The following ERC2 variants were observed in gnomAD, a reference collection of about 807,000 sequenced individuals.
The protein encoded by ERC2 is ELKS/RAB6-interacting/CAST family member 2.
ERC2 carries 42 observed loss-of-function variants against 114.8 expected under a neutral mutation model. The observed-to-expected ratio is 0.37, with a 90% confidence interval of 0.29 to 0.47. The LOEUF (loss-of-function observed/expected upper bound fraction) is 0.47. Among genes scored for constraint, ERC2 ranks in the 20% least tolerant of loss-of-function variants. ERC2 has a pLI of 0.99. For synonymous variants in ERC2, 454 were observed against 425.5 expected (o/e 1.07, Z -0.82); for missense variants, 939 against 1,150.7 (o/e 0.82, Z 2.66).
intron 17 of ERC2, among the ~76,000 whole-genome samples, chr3:55,650,168 C>T (rs1283366520): frequency 1.3e-5 from 2 of 152,208 alleles, no homozygotes; most frequent in African/African-American, 2.4e-5. Flanking sequence ...GAGAGAGCCC[C>T]ACATCCACCA....
At chr3:55,846,211 T>C (rs2061356074) in intron 14 of ERC2, among the ~76,000 whole-genome samples, 1 of 152,240 alleles carries the variant, frequency 6.6e-6, no homozygotes. Context: ...TGTGTTCTCA[T>C]CATTTGGCTC....
At chr3:55,665,429 T>TG (rs1328110149) in intron 17 of ERC2, among the ~76,000 whole-genome samples, 3 of 152,226 alleles carry the variant, frequency 2.0e-5, no homozygotes, top group African/African-American at 7.2e-5. Context: ...ACAGGGTTGT[T>TG]GCAGATCTCA....
intron 17 of ERC2, among the ~76,000 whole-genome samples, chr3:55,641,120 A>C (rs928410981): frequency 1.3e-5 from 2 of 152,214 alleles, no homozygotes; most frequent in Non-Finnish European, 2.9e-5. Flanking sequence ...TTACAATAGA[A>C]GTCTGCTAGA....
chr3:56,257,987 C>T (rs945821166), intron 3 of ERC2, among the ~76,000 whole-genome samples: 1 of 152,108 alleles, frequency 6.6e-6, no homozygotes, highest in Admixed American at 6.5e-5. Flanking sequence ...GCTTTCAGAC[C>T]GGCAGCTTAT....
At chr3:55,912,941 C>A (rs1395280809) in intron 13 of ERC2, among the ~76,000 whole-genome samples, 1 of 152,154 alleles carries the variant, frequency 6.6e-6, no homozygotes, top group Non-Finnish European at 1.5e-5. Flanking sequence ...CTTCTTTTAA[C>A]AAGTCAATCA....
At chr3:56,270,783 T>C (rs1322489904) in intron 3 of ERC2, among the ~76,000 whole-genome samples, 1 of 152,054 alleles carries the variant, frequency 6.6e-6, no homozygotes, top group African/African-American at 2.4e-5. Context: ...ATTGAGACCA[T>C]CCTGTCTAAC....
At chr3:55,714,293 T>C (rs910074129) in intron 15 of ERC2, among the ~76,000 whole-genome samples, 1 of 152,150 alleles carries the variant, frequency 6.6e-6, no homozygotes, top group Non-Finnish European at 1.5e-5. Context: ...TTAACATATG[T>C]CTACCCTGTG....
At chr3:55,997,938 T>G (rs1179727411) in intron 10 of ERC2, among the ~76,000 whole-genome samples, 48 of 124,328 alleles carry the variant, frequency 3.9e-4, no homozygotes, top group East Asian at 5.0e-4. Flanking sequence ...TGTTTTTTTT[T>G]TTTTTTTGGT....
intron 2 of ERC2, among the ~76,000 whole-genome samples, chr3:56,353,642 C>T (rs1290013025): frequency 3.4e-5 from 4 of 118,062 alleles, no homozygotes; most frequent in African/African-American, 1.4e-4. Context: ...ACATCACACA[C>T]CAGGGCCTGT....
chr3:55,638,189 C>T (rs987013765), intron 17 of ERC2, among the ~76,000 whole-genome samples: 2 of 152,200 alleles, frequency 1.3e-5, no homozygotes, highest in Admixed American at 6.5e-5. Flanking sequence ...TGGAAACTGC[C>T]CTCACCTATA....
intron 12 of ERC2, among the ~76,000 whole-genome samples, chr3:55,956,450 T>C (rs944743978): frequency 1.3e-5 from 2 of 152,148 alleles, no homozygotes; most frequent in African/African-American, 2.4e-5. Flanking sequence ...TTTCATTTTT[T>C]TTTTGAAGCT....
chr3:55,607,974 G>A (rs1305670323), intron 17 of ERC2: 3 of 152,040 alleles, frequency 2.0e-5, no homozygotes, highest in South Asian at 2.1e-4. Flanking sequence ...ATCTTGTCAG[G>A]AGCCTCCATG....
intron 3 of ERC2, among the ~76,000 whole-genome samples, chr3:56,186,354 T>G (rs2083617141): frequency 6.6e-6 from 1 of 150,378 alleles, no homozygotes; most frequent in Non-Finnish European, 1.5e-5. Context: ...GTTGGAGAGT[T>G]TTTTTTTCTG....
intron 14 of ERC2, among the ~76,000 whole-genome samples, chr3:55,887,069 T>C (rs555196655): frequency 2.0e-5 from 3 of 152,348 alleles, no homozygotes; most frequent in South Asian, 2.1e-4. Context: ...TGAGTTCACA[T>C]AAACTCCTGG....
intron 7 of ERC2, among the ~76,000 whole-genome samples, chr3:56,031,273 A>G (rs2074366153): frequency 1.3e-5 from 2 of 152,192 alleles, no homozygotes; most frequent in Admixed American, 1.3e-4. Context: ...CCCCATGGAC[A>G]TAAGATCCAG....
chr3:55,789,836 C>G (rs1211374540), intron 14 of ERC2, among the ~76,000 whole-genome samples: 1 of 152,198 alleles, frequency 6.6e-6, no homozygotes, highest in South Asian at 2.1e-4. Flanking sequence ...CATCCCTTGA[C>G]AAGGCCAGGG....
chr3:56,082,884 C>T (rs73072512), intron 6 of ERC2, among the ~76,000 whole-genome samples: 20,306 of 151,996 alleles, frequency 0.13, 1,454 homozygotes, highest in East Asian at 0.16. Context: ...ACCTAGATCC[C>T]TCACATGTGC....
In ERC2 at chr3:55,859,604, T is replaced by C. The variant is rs148289175; in HGVS notation, c.2564+28785A>G. Among the ~76,000 whole-genome samples, 433 of 152,154 alleles carry C rather than the reference T, an allele frequency of 2.8e-3. 3 individuals carry two copies. The highest frequency in any genetic ancestry group is 9.9e-3 in the African/African-American group (410 of 41,502). On this transcript the variant is annotated intron_variant, in intron 14 of 17. Transcript: ENST00000288221. ...TTTGTTTTTTTAGCATGTGGTAATG[T>C]ATCATCTTGCTTGGCTGGATGTCAT...
chr3:56,123,031 T>G (rs747257787), intron 6 of ERC2, among the ~76,000 whole-genome samples: 1 of 152,150 alleles, frequency 6.6e-6, no homozygotes, highest in Non-Finnish European at 1.5e-5. Context: ...ATCTCTTATC[T>G]CATTTAATCC....
Sources: allele counts gnomAD v4.1 joint callset (sites outside exome capture counted in the v4.1 genomes callset), GRCh38; gene constraint gnomAD v4.1.1; transcripts MANE v1.5; gene names NCBI Gene and HGNC (gene_info 2026-07-23, HGNC 2026-07-21).